TENT2: variants seen among roughly 807,000 people sequenced by gnomAD.
TENT2 encodes the protein terminal nucleotidyltransferase 2, also known as poly(A) RNA polymerase GLD2.
A neutral mutation model predicts 72.2 loss-of-function variants in TENT2; 44 were observed. The observed-to-expected ratio is 0.61, with a 90% CI of 0.48 to 0.78. The LOEUF is 0.78. Among genes scored for constraint, TENT2 ranks in the 30% least tolerant of loss-of-function variants. The pLI, the probability that TENT2 is intolerant of heterozygous loss-of-function variation, is 0.00. For missense variants in TENT2, 541 were observed against 569.6 expected (o/e 0.95, Z 0.51); for synonymous variants, 212 against 192.5 (o/e 1.10, Z -0.84).
chr5:79,646,724 CT>C (rs1449345179), intron 8 of TENT2, among the ~76,000 whole-genome samples: 7 of 148,026 alleles, frequency 4.7e-5, no homozygotes, highest in African/African-American at 1.7e-4. Context: ...TAGTTTTATT[CT>C]TTTTCTATTT....
chr5:79,644,940 AATGGT>A (rs750529473), intron 7 of TENT2, 178 bp from the exon 8 acceptor site: 105 of 498,286 alleles, frequency 2.1e-4, no homozygotes, highest in Non-Finnish European at 3.5e-4. Context: ...AAGCCCCCTA[AATGGT>A]ATTACTGGAG....
chr5:79,657,802 CACGTAATTTTT>C (rs1314078929), intron 11 of TENT2, among the ~76,000 whole-genome samples: 1 of 152,018 alleles, frequency 6.6e-6, no homozygotes, highest in East Asian at 1.9e-4. Context: ...CTTCTGAAAC[CACGTAATTTTT>C]ACATATTGGT....
chr5:79,669,992 G>T (rs1811651685), intron 12 of TENT2, among the ~76,000 whole-genome samples: 1 of 151,872 alleles, frequency 6.6e-6, no homozygotes, highest in African/African-American at 2.4e-5. Context: ...ACTTTGGGAG[G>T]CCGAGGCAGG....
At chr5:79,622,485 C>T (rs1765884939) in intron 3 of TENT2, among the ~76,000 whole-genome samples, 1 of 152,132 alleles carries the variant, frequency 6.6e-6, no homozygotes, top group South Asian at 2.1e-4. Flanking sequence ...CTAAAACCTC[C>T]AGAAAAAGAA....
intron 4 of TENT2, among the ~76,000 whole-genome samples, chr5:79,632,456 G>T (rs1426732605): frequency 6.6e-6 from 1 of 152,118 alleles, no homozygotes; most frequent in African/African-American, 2.4e-5. Flanking sequence ...GCACAAAAAT[G>T]AGAATGTAAT....
intron 11 of TENT2, among the ~76,000 whole-genome samples, chr5:79,668,079 T>G (rs1205232329): frequency 2.0e-5 from 3 of 152,084 alleles, no homozygotes; most frequent in South Asian, 4.1e-4. Context: ...ATTTTGATAG[T>G]ACATTTAGTA....
chr5:79,613,339 A>T (rs1756670213), intron 1 of TENT2, among the ~76,000 whole-genome samples: 1 of 152,230 alleles, frequency 6.6e-6, no homozygotes, highest in Non-Finnish European at 1.5e-5. Context: ...AAAGTAGCAG[A>T]TATTTTTCAT....
intron 8 of TENT2, among the ~76,000 whole-genome samples, chr5:79,645,824 A>G (rs1247345424): frequency 1.4e-5 from 2 of 145,704 alleles, no homozygotes; most frequent in East Asian, 2.0e-4. Flanking sequence ...TACAAAATTA[A>G]TACTGAAATT....
At chr5:79,651,649 G>A (rs763223231) in intron 10 of TENT2, among the ~76,000 whole-genome samples, 1 of 151,916 alleles carries the variant, frequency 6.6e-6, no homozygotes, top group Non-Finnish European at 1.5e-5. Context: ...CCTCTATGGT[G>A]GAGAATTTGG....
intron 11 of TENT2, among the ~76,000 whole-genome samples, chr5:79,667,072 T>G (rs1214611199): frequency 6.6e-6 from 1 of 152,232 alleles, no homozygotes; most frequent in Non-Finnish European, 1.5e-5. Context: ...TCATTCAGCA[T>G]TTTAATGGAG....
intron 4 of TENT2, among the ~76,000 whole-genome samples, chr5:79,637,288 G>GA (rs1464918130): frequency 2.0e-5 from 3 of 152,164 alleles, no homozygotes; most frequent in African/African-American, 7.2e-5. Flanking sequence ...CTTTGTATGG[G>GA]AATTGATTAG....
intron 10 of TENT2, among the ~76,000 whole-genome samples, chr5:79,651,869 C>G (rs987827128): frequency 6.6e-6 from 1 of 152,014 alleles, no homozygotes; most frequent in Non-Finnish European, 1.5e-5. Flanking sequence ...TTATGGTATA[C>G]TCCTAGGGTG....
At chr5:79,669,969 C>G (rs993538768) in intron 12 of TENT2, among the ~76,000 whole-genome samples, 3 of 152,000 alleles carry the variant, frequency 2.0e-5, no homozygotes, top group African/African-American at 7.2e-5. Flanking sequence ...TAGCTCATGC[C>G]TGTAATCCCA....
intron 10 of TENT2, among the ~76,000 whole-genome samples, chr5:79,655,463 T>C (rs1797247575): frequency 6.6e-6 from 1 of 152,116 alleles, no homozygotes; most frequent in Non-Finnish European, 1.5e-5. Context: ...TTTGTTTTAT[T>C]ATATTTTTAG....
At chr5:79,651,325 G>A (rs1434840034) in intron 10 of TENT2, among the ~76,000 whole-genome samples, 1 of 151,000 alleles carries the variant, frequency 6.6e-6, no homozygotes, top group Non-Finnish European at 1.5e-5. Context: ...CTTAAATAAT[G>A]TTCTTACATT....
rs147287201 is a variant in TENT2 at position 79,668,338 on chromosome 5, A to C, written c.1072-554A>C. On this transcript the variant is annotated intron_variant, in intron 11 of 14. Coordinates refer to ENST00000453514, the MANE Select transcript of TENT2 (RefSeq NM_001114394.3). ...TCTTTTCAAGCTTAATTCAGGTTGA[A>C]CATCTCTCTTCTTTTCCATCTAAGA... Among the ~76,000 whole-genome samples, 6 of 152,234 alleles carry C rather than the reference A, an allele frequency of 3.9e-5. No homozygotes were observed. The East Asian group carries it at 1.2e-3, about 29-fold the overall frequency.
intron 13 of TENT2, among the ~76,000 whole-genome samples, chr5:79,680,644 A>G (rs547127126): frequency 6.6e-6 from 1 of 152,274 alleles, no homozygotes; most frequent in South Asian, 2.1e-4. Context: ...TACTTTTTCT[A>G]GGTCTTTCCC....
At chr5:79,641,328 A>C (rs1784262619) in intron 6 of TENT2, 132 bp downstream of exon 6, 1 of 660,826 alleles carries the variant, frequency 1.5e-6, no homozygotes, top group Non-Finnish European at 2.4e-6. Flanking sequence ...CCATAATTGC[A>C]GGAAACCTAG....
intron 13 of TENT2, 198 bp from the exon 14 acceptor site, chr5:79,681,784 T>C (rs528661211): frequency 2.2e-6 from 1 of 446,048 alleles, no homozygotes; most frequent in Non-Finnish European, 4.1e-6. Context: ...TTGAATTCTA[T>C]CTACCTTATT....
Sources: gnomAD v4.1 joint callset for allele counts (sites outside exome capture counted in the v4.1 genomes callset) on GRCh38, gnomAD v4.1.1 for gene constraint, MANE v1.5 for transcripts, NCBI Gene and HGNC (gene_info 2026-07-23, HGNC 2026-07-21) for gene names.